The following PREX2 variants were observed in gnomAD, a reference collection of about 807,000 sequenced individuals.
PREX2 encodes phosphatidylinositol-3,4,5-trisphosphate dependent Rac exchange factor 2, also known as phosphatidylinositol 3,4,5-trisphosphate-dependent Rac exchanger 2 protein.
In PREX2, 107 loss-of-function variants were observed where a neutral mutation model predicts 203.2. That is an observed-to-expected ratio of 0.53 (90% CI 0.45 to 0.62). The LOEUF (loss-of-function observed/expected upper bound fraction) is 0.62, where lower values mean the gene tolerates loss of function less well. Among genes scored for constraint, PREX2 ranks in the 20% least tolerant of loss-of-function variants. PREX2 has a pLI of 0.00. For synonymous variants in PREX2, 672 were observed against 663.6 expected, an observed-to-expected ratio of 1.01 and a Z score of -0.19; for missense variants, 1,777 against 1,955.9, an observed-to-expected ratio of 0.91 and a Z score of 1.72.
chr8:68,165,695 T>C (rs1199926372), intron 35 of PREX2, among the ~76,000 whole-genome samples: 1 of 152,096 alleles, frequency 6.6e-6, no homozygotes, highest in Non-Finnish European at 1.5e-5. Context: ...TTCAGTACCA[T>C]TGGAAGTAGG....
chr8:68,094,946 T>C (rs1810009641), intron 21 of PREX2: 1 of 152,236 alleles, frequency 6.6e-6, no homozygotes, highest in Non-Finnish European at 1.5e-5. Flanking sequence ...CTTCCTTGGG[T>C]TCAGTTATTT....
chr8:68,122,094 C>A (rs1437446159), intron 30 of PREX2, among the ~76,000 whole-genome samples: 1 of 152,052 alleles, frequency 6.6e-6, no homozygotes, highest in African/African-American at 2.4e-5. Flanking sequence ...CCCCTTATAT[C>A]AAATGGAGTC....
intron 23 of PREX2, chr8:68,105,407 C>T (rs1386444172): frequency 7.7e-7 from 1 of 1,300,328 alleles, no homozygotes; most frequent in Admixed American, 2.3e-5. Context: ...ACACAGTACA[C>T]AGCCCTTCCT....
intron 35 of PREX2, among the ~76,000 whole-genome samples, chr8:68,171,702 G>A (rs573530295): frequency 5.3e-5 from 8 of 152,118 alleles, no homozygotes; most frequent in African/African-American, 1.9e-4. Context: ...CACATCCCTT[G>A]TCTGACAACA....
At chr8:68,127,608 A>G (rs1357591301) in intron 31 of PREX2, among the ~76,000 whole-genome samples, 189 bp downstream of exon 31, 1 of 151,214 alleles carries the variant, frequency 6.6e-6, no homozygotes, top group Non-Finnish European at 1.5e-5. Context: ...AAATATATAT[A>G]TATACATATA....
chr8:68,034,459 G>A (rs146630398), intron 6 of PREX2, among the ~76,000 whole-genome samples: 4 of 152,190 alleles, frequency 2.6e-5, no homozygotes, highest in South Asian at 2.1e-4. Context: ...TAAACATTAC[G>A]TTGTCATTAA....
intron 25 of PREX2, among the ~76,000 whole-genome samples, chr8:68,112,450 C>A (rs1810553407): frequency 6.6e-6 from 1 of 152,004 alleles, no homozygotes; most frequent in South Asian, 2.1e-4. Context: ...GGTGAACAAA[C>A]CACACTTTAA....
intron 7 of PREX2, among the ~76,000 whole-genome samples, chr8:68,040,233 C>G (rs1301130544): frequency 6.6e-6 from 1 of 152,208 alleles, no homozygotes; most frequent in Admixed American, 6.5e-5. Context: ...CACTGTATTT[C>G]CCAGGCTGGT....
chr8:68,191,368 AG>A (rs1214175923), intron 35 of PREX2, among the ~76,000 whole-genome samples: 1 of 152,246 alleles, frequency 6.6e-6, no homozygotes, highest in African/African-American at 2.4e-5. Flanking sequence ...AATATTAATA[AG>A]CACTTATTCT....
At chr8:68,140,581 CT>C (rs1490755181) in intron 33 of PREX2, among the ~76,000 whole-genome samples, 1 of 152,120 alleles carries the variant, frequency 6.6e-6, no homozygotes, top group Non-Finnish European at 1.5e-5. Flanking sequence ...GGCTGCATGC[CT>C]TTGAGGGAGG....
Position 68,233,809 on chromosome 8 carries a change from C to T in PREX2, c.*2431C>T, listed in dbSNP as rs1813215196. 1 of 152,130 alleles carries T rather than the reference C, an allele frequency of 6.6e-6. No individual in the cohort carries two copies. Among genetic ancestry groups the T allele is most frequent in the Non-Finnish European group, 1.5e-5 (1 of 68,036 alleles). 9.4% of individuals were successfully genotyped at this position (152,130 alleles called of 1,614,324 possible). ...AAGGGGTAGAACCAAAATTTGAACC[C>T]AGGAAGTCTGCCTTCTTAATGCATT... On this transcript the variant is annotated 3_prime_UTR_variant, in exon 40 of 40. Transcript: ENST00000288368.
chr8:68,081,488 C>T (rs1221610366), intron 17 of PREX2, among the ~76,000 whole-genome samples: 2 of 152,146 alleles, frequency 1.3e-5, no homozygotes, highest in African/African-American at 4.8e-5. Flanking sequence ...TGGAGCTTCA[C>T]TAATCACAGA....
chr8:68,046,353 A>G (rs1010702830), intron 8 of PREX2, among the ~76,000 whole-genome samples: 1 of 152,012 alleles, frequency 6.6e-6, no homozygotes, highest in Non-Finnish European at 1.5e-5. Context: ...AGAGCCCAGG[A>G]CCTTTGGAGG....
intron 35 of PREX2, among the ~76,000 whole-genome samples, chr8:68,181,813 C>A (rs1812091377): frequency 6.6e-6 from 1 of 151,974 alleles, no homozygotes; most frequent in Non-Finnish European, 1.5e-5. Context: ...AATATGTTGA[C>A]CACTCACTGT....
Position 68,108,098 on chromosome 8 carries a change from T to G in PREX2, c.2716-11T>G. On this transcript the variant is annotated splice_polypyrimidine_tract_variant and intron_variant, in intron 23 of 39. Coordinates refer to ENST00000288368, the MANE Select transcript of PREX2 (RefSeq NM_024870.4). ...TGTTCAACTGCTTTTTATGTTTTCT[T>G]TAATTTGCAGTTTTCTCGTGTACTG... is the stretch of plus-strand genomic sequence containing the variant. The G allele has an allele frequency of 6.3e-7, 1 of 1,587,540 alleles. No individual in the cohort carries two copies. Among genetic ancestry groups the G allele is most frequent in the Non-Finnish European group, 8.6e-7 (1 of 1,163,814 alleles).
At chr8:67,992,662 A>G (rs1050437401) in intron 1 of PREX2, among the ~76,000 whole-genome samples, 5 of 152,218 alleles carry the variant, frequency 3.3e-5, no homozygotes, top group African/African-American at 1.2e-4. Context: ...GAGAAACATC[A>G]TTGTCAATGG....
intron 35 of PREX2, among the ~76,000 whole-genome samples, chr8:68,182,210 T>C (rs533989320): frequency 6.6e-6 from 1 of 152,276 alleles, no homozygotes; most frequent in Admixed American, 6.5e-5. Context: ...CTCAGTATAA[T>C]AGCATGCAAC....
At chr8:68,021,416 G>T (rs1807565026) in intron 3 of PREX2, among the ~76,000 whole-genome samples, 1 of 152,174 alleles carries the variant, frequency 6.6e-6, no homozygotes, top group African/African-American at 2.4e-5. Flanking sequence ...CAACCTCTCA[G>T]ATGTGGTGTC....
chr8:68,187,724 C>T (rs547333690), intron 35 of PREX2, among the ~76,000 whole-genome samples: 14 of 152,160 alleles, frequency 9.2e-5, no homozygotes, highest in African/African-American at 1.4e-4. Context: ...TTTGAGATGC[C>T]GCCTCTGTTC....
Sources: gnomAD v4.1 joint callset for allele counts (sites outside exome capture counted in the v4.1 genomes callset) on GRCh38, gnomAD v4.1.1 for gene constraint, MANE v1.5 for transcripts, NCBI Gene and HGNC (gene_info 2026-07-23, HGNC 2026-07-21) for gene names.